ZNF804B: variants seen among roughly 807,000 people sequenced by gnomAD.
ZNF804B encodes the protein zinc finger protein 804B.
Under a neutral mutation model 101.4 loss-of-function variants are expected in ZNF804B, and 80 were observed. The observed-to-expected ratio is 0.79, with a 90% CI of 0.66 to 0.95. ZNF804B has a LOEUF of 0.95. ZNF804B is among the 40% of genes least tolerant of loss of function. The pLI is 0.00. For synonymous variants in ZNF804B, 622 were observed against 558.8 expected, an observed-to-expected ratio of 1.11 and a Z score of -1.59; for missense variants, 1,673 against 1,561.9, an observed-to-expected ratio of 1.07 and a Z score of -1.20.
At chr7:88,956,420 T>C (rs1167252396) in intron 1 of ZNF804B, among the ~76,000 whole-genome samples, 1 of 151,540 alleles carries the variant, frequency 6.6e-6, no homozygotes, top group Non-Finnish European at 1.5e-5. Context: ...TTCAAAAACA[T>C]GGTTTATGTC....
intron 2 of ZNF804B, among the ~76,000 whole-genome samples, chr7:89,253,499 T>C (rs1308597939): frequency 1.3e-5 from 2 of 152,150 alleles, no homozygotes; most frequent in Non-Finnish European, 2.9e-5. Context: ...GAATACATTC[T>C]CATAAAAATT....
At chr7:89,085,636 A>G (rs1430424587) in intron 1 of ZNF804B, among the ~76,000 whole-genome samples, 1 of 151,890 alleles carries the variant, frequency 6.6e-6, no homozygotes. Flanking sequence ...ATGCCTTACA[A>G]GTGTCTCTGT....
intron 2 of ZNF804B, among the ~76,000 whole-genome samples, chr7:89,296,944 G>T (rs559445079): frequency 1.3e-5 from 2 of 152,058 alleles, no homozygotes; most frequent in East Asian, 3.9e-4. Context: ...ATTTTGTTAA[G>T]AAATCAACTG....
intron 1 of ZNF804B, among the ~76,000 whole-genome samples, chr7:88,826,596 C>A (rs184521856): frequency 6.6e-6 from 1 of 151,896 alleles, no homozygotes; most frequent in South Asian, 2.1e-4. Flanking sequence ...AGTTGGATGG[C>A]GGCTTTACAG....
At chr7:89,030,241 G>C (rs1194449401) in intron 1 of ZNF804B, among the ~76,000 whole-genome samples, 1 of 152,124 alleles carries the variant, frequency 6.6e-6, no homozygotes, top group Non-Finnish European at 1.5e-5. Flanking sequence ...AAATAGTTTA[G>C]TGTCATCTGA....
chr7:88,880,057 A>AG (rs1313315935), intron 1 of ZNF804B, among the ~76,000 whole-genome samples: 1 of 151,804 alleles, frequency 6.6e-6, no homozygotes, highest in Non-Finnish European at 1.5e-5. Context: ...AAAGAAAAAA[A>AG]AAAACCACTT....
chr7:89,149,038 T>C (rs971149706), intron 1 of ZNF804B, among the ~76,000 whole-genome samples: 8 of 152,006 alleles, frequency 5.3e-5, no homozygotes, highest in Non-Finnish European at 7.4e-5. Context: ...TTTGGCTCCT[T>C]ATCTTGTCAC....
Position 88,820,221 on chromosome 7 carries a change from G to T in ZNF804B, c.108+60137G>T, listed in dbSNP as rs77192904. Among the ~76,000 whole-genome samples, 310 of 152,174 alleles carry T rather than the reference G, an allele frequency of 2.0e-3. 2 individuals carry two copies. Among genetic ancestry groups the T allele is most frequent in the African/African-American group, 7.2e-3 (300 of 41,524 alleles). On this transcript the variant is annotated intron_variant, in intron 1 of 3. Transcript: ENST00000333190. The stretch of plus-strand genomic sequence containing the variant: ...AGGATACAGCCAGCCTGTACTTCAT[G>T]ATACAAAACATTCTACAAAAATATG...
intron 2 of ZNF804B, among the ~76,000 whole-genome samples, chr7:89,293,554 G>A (rs1324260027): frequency 6.6e-6 from 1 of 152,094 alleles, no homozygotes; most frequent in Non-Finnish European, 1.5e-5. Flanking sequence ...GGAGGTGTAG[G>A]CAGGCAGATC....
chr7:89,007,598 AT>A (rs1175719953), intron 1 of ZNF804B, among the ~76,000 whole-genome samples: 2 of 135,596 alleles, frequency 1.5e-5, no homozygotes, highest in African/African-American at 5.5e-5. Context: ...ATATATTATA[AT>A]TATATATGAT....
chr7:88,875,430 AAAAG>A (rs1201729319), intron 1 of ZNF804B, among the ~76,000 whole-genome samples: 2 of 152,220 alleles, frequency 1.3e-5, no homozygotes, highest in African/African-American at 2.4e-5. Context: ...AATAAAGAAA[AAAAG>A]AGAGAAGAAT....
chr7:88,822,397 T>A (rs566803349), intron 1 of ZNF804B, among the ~76,000 whole-genome samples: 1 of 152,304 alleles, frequency 6.6e-6, no homozygotes, highest in South Asian at 2.1e-4. Flanking sequence ...TTATTGTCAT[T>A]ACTGTTTATA....
chr7:89,298,728 A>G lies in ZNF804B; in HGVS notation c.250-28616A>G, dbSNP rs554845951. 2.0e-5 allele frequency among the ~76,000 whole-genome samples: 3 copies of G among 151,974 alleles called. No homozygotes were observed. The South Asian group carries it at 6.2e-4, about 32-fold the overall frequency. On this transcript the variant is annotated intron_variant, in intron 2 of 3. Coordinates refer to ENST00000333190, the MANE Select transcript of ZNF804B (RefSeq NM_181646.5). ...ATTTTATTATATTTGGTGCATATGT[A>G]TTTTCATATATATATTTTTAGTAAA...
intron 1 of ZNF804B, among the ~76,000 whole-genome samples, chr7:89,016,088 T>C (rs956256017): frequency 1.3e-5 from 2 of 152,192 alleles, no homozygotes; most frequent in African/African-American, 4.8e-5. Flanking sequence ...TGATAGCCAG[T>C]GATGGTGAGC....
chr7:88,974,705 A>G (rs865870284), intron 1 of ZNF804B, among the ~76,000 whole-genome samples: 4 of 151,316 alleles, frequency 2.6e-5, no homozygotes, highest in Non-Finnish European at 5.9e-5. Flanking sequence ...TACATGAGAT[A>G]TTTTCATACA....
intron 1 of ZNF804B, among the ~76,000 whole-genome samples, chr7:89,182,380 C>A (rs567410133): frequency 5.3e-5 from 8 of 152,160 alleles, no homozygotes; most frequent in African/African-American, 1.9e-4. Context: ...AAATTTAGTT[C>A]AATATATATC....
chr7:89,221,481 G>A (rs957668728), intron 2 of ZNF804B, among the ~76,000 whole-genome samples: 1 of 152,012 alleles, frequency 6.6e-6, no homozygotes, highest in South Asian at 2.1e-4. Context: ...GGGAATAGAA[G>A]CTAAGGTGAG....
At chr7:89,186,967 C>G (rs1788383395) in intron 1 of ZNF804B, among the ~76,000 whole-genome samples, 2 of 152,142 alleles carry the variant, frequency 1.3e-5, no homozygotes, top group Non-Finnish European at 2.9e-5. Flanking sequence ...ACTTTTCTAG[C>G]CCCTGCCTTT....
chr7:88,767,688 A>G (rs538702604), intron 1 of ZNF804B, among the ~76,000 whole-genome samples: 19 of 152,316 alleles, frequency 1.2e-4, no homozygotes, highest in African/African-American at 3.4e-4. Context: ...AAAACGTTCA[A>G]AATCCTTGAA....
Sources: allele counts gnomAD v4.1 joint callset (sites outside exome capture counted in the v4.1 genomes callset), GRCh38; gene constraint gnomAD v4.1.1; transcripts MANE v1.5; gene names NCBI Gene and HGNC (gene_info 2026-07-23, HGNC 2026-07-21).